The following IMMP2L variants were observed in gnomAD, a reference collection of about 807,000 sequenced individuals.
IMMP2L encodes mitochondrial inner membrane protease subunit 2.
A neutral mutation model predicts 19.3 loss-of-function variants in IMMP2L; 18 were observed. The observed-to-expected ratio is 0.93, with a 90% confidence interval of 0.64 to 1.38. The LOEUF is 1.38. Ranked by LOEUF, IMMP2L falls within the 40% of genes most tolerant of loss-of-function variation. The pLI is 0.00. For synonymous variants in IMMP2L, 76 were observed against 73.0 expected (o/e 1.04, Z -0.21); for missense variants, 233 against 218.2 (o/e 1.07, Z -0.43).
At chr7:111,554,491 C>G (rs185636165) in intron 1 of IMMP2L, among the ~76,000 whole-genome samples, 1 of 152,100 alleles carries the variant, frequency 6.6e-6, no homozygotes, top group East Asian at 1.9e-4. Flanking sequence ...CAAGCTATAG[C>G]TCAGGTATCA....
intron 3 of IMMP2L, among the ~76,000 whole-genome samples, chr7:111,362,238 GT>G (rs1829328663): frequency 6.6e-6 from 1 of 151,808 alleles, no homozygotes; most frequent in Non-Finnish European, 1.5e-5. Context: ...TAATGTAATC[GT>G]TTTTATTTCT....
chr7:111,222,754 T>G (rs766929592), intron 3 of IMMP2L, among the ~76,000 whole-genome samples: 14 of 152,076 alleles, frequency 9.2e-5, no homozygotes, highest in Non-Finnish European at 1.9e-4. Context: ...AAAACTACTT[T>G]TGAAAATAAG....
At chr7:110,736,915 G>T (rs1313859199) in intron 5 of IMMP2L, among the ~76,000 whole-genome samples, 1 of 152,110 alleles carries the variant, frequency 6.6e-6, no homozygotes, top group Non-Finnish European at 1.5e-5. Flanking sequence ...CAAAAATTTG[G>T]GGGATTTTGG....
chr7:111,559,832 G>A (rs1447648823), intron 1 of IMMP2L, among the ~76,000 whole-genome samples: 3 of 152,040 alleles, frequency 2.0e-5, no homozygotes, highest in Admixed American at 2.0e-4. Context: ...AATTTTAATG[G>A]CCCAAAGTGA....
intron 3 of IMMP2L, among the ~76,000 whole-genome samples, chr7:111,263,315 A>C: frequency 6.6e-6 from 1 of 152,148 alleles, no homozygotes; most frequent in African/African-American, 2.4e-5. Flanking sequence ...TATTCTGAAG[A>C]AAGAACCAAA....
At chr7:110,989,427 G>T (rs1359830295) in intron 3 of IMMP2L, among the ~76,000 whole-genome samples, 1 of 150,738 alleles carries the variant, frequency 6.6e-6, no homozygotes, top group East Asian at 2.0e-4. Context: ...TACACTGGTG[G>T]TCCCAGCAAC....
intron 3 of IMMP2L, among the ~76,000 whole-genome samples, chr7:111,016,851 T>C (rs1273134279): frequency 2.7e-4 from 23 of 86,436 alleles, no homozygotes; most frequent in African/African-American, 1.0e-3. Flanking sequence ...ATATATAATA[T>C]ATATTATATA....
chr7:111,266,378 A>G (rs975674813), intron 3 of IMMP2L, among the ~76,000 whole-genome samples: 1 of 151,952 alleles, frequency 6.6e-6, no homozygotes, highest in Non-Finnish European at 1.5e-5. Flanking sequence ...CCCTGTCCCT[A>G]TTAAAAATAC....
At chr7:110,808,711 GCT>G (rs1801808571) in intron 5 of IMMP2L, among the ~76,000 whole-genome samples, 1 of 152,060 alleles carries the variant, frequency 6.6e-6, no homozygotes, top group African/African-American at 2.4e-5. Context: ...TAGCTTAAAT[GCT>G]CTCTGCATCT....
chr7:111,173,456 G>A (rs1470865110), intron 3 of IMMP2L, among the ~76,000 whole-genome samples: 1 of 151,574 alleles, frequency 6.6e-6, no homozygotes, highest in Non-Finnish European at 1.5e-5. Flanking sequence ...TTCTAAAGAT[G>A]CTGAGAACGT....
chr7:111,138,886 G>C (rs1262191137), intron 3 of IMMP2L, among the ~76,000 whole-genome samples: 2 of 152,046 alleles, frequency 1.3e-5, no homozygotes, highest in African/African-American at 4.8e-5. Context: ...AACCCTTTAA[G>C]GCAACAGAGA....
chr7:110,794,630 C>T (rs1326822386), intron 5 of IMMP2L, among the ~76,000 whole-genome samples: 1 of 151,904 alleles, frequency 6.6e-6, no homozygotes, highest in Non-Finnish European at 1.5e-5. Flanking sequence ...AACAAAATCC[C>T]CAGCCTCCTA....
intron 3 of IMMP2L, among the ~76,000 whole-genome samples, chr7:111,005,321 ACAG>A (rs1333348020): frequency 1.3e-5 from 2 of 152,194 alleles, no homozygotes; most frequent in Non-Finnish European, 2.9e-5. Flanking sequence ...AAAACCATAT[ACAG>A]TGTTTGTTAT....
chr7:111,462,854 G>A (rs1049205351), intron 3 of IMMP2L, among the ~76,000 whole-genome samples: 4 of 152,024 alleles, frequency 2.6e-5, no homozygotes, highest in South Asian at 4.1e-4. Flanking sequence ...TAAGGTCTTC[G>A]TGGCTCTGTG....
At chr7:110,986,740 T>C (rs991272002) in intron 3 of IMMP2L, among the ~76,000 whole-genome samples, 6 of 152,220 alleles carry the variant, frequency 3.9e-5, no homozygotes, top group Non-Finnish European at 7.4e-5. Context: ...AGCTGGCTTA[T>C]TTGTAAAACA....
At chr7:111,507,315 C>A (rs777208957) in intron 2 of IMMP2L, among the ~76,000 whole-genome samples, 3 of 152,204 alleles carry the variant, frequency 2.0e-5, no homozygotes, top group Admixed American at 6.5e-5. Flanking sequence ...AAGTTCATTT[C>A]TCTCTTCCCA....
At chr7:110,761,515 TCA>T (rs1463166309) in intron 5 of IMMP2L, among the ~76,000 whole-genome samples, 1 of 152,184 alleles carries the variant, frequency 6.6e-6, no homozygotes, top group African/African-American at 2.4e-5. Flanking sequence ...CAGGAAGGAT[TCA>T]CAGTGTCATA....
At chr7:111,089,569 A>G (rs1218419872) in intron 3 of IMMP2L, among the ~76,000 whole-genome samples, 1 of 152,124 alleles carries the variant, frequency 6.6e-6, no homozygotes, top group African/African-American at 2.4e-5. Context: ...TTAAAAGTAC[A>G]TTAAATTATA....
intron 3 of IMMP2L, among the ~76,000 whole-genome samples, chr7:111,470,402 G>C (rs1252248629): frequency 6.6e-6 from 1 of 151,882 alleles, no homozygotes; most frequent in Admixed American, 6.6e-5. Flanking sequence ...TATAAATCAT[G>C]CTGCTATAGA....
Sources: gnomAD v4.1 joint callset for allele counts (sites outside exome capture counted in the v4.1 genomes callset) on GRCh38, gnomAD v4.1.1 for gene constraint, MANE v1.5 for transcripts, NCBI Gene and HGNC (gene_info 2026-07-23, HGNC 2026-07-21) for gene names.